TYK2: variants seen among roughly 807,000 people sequenced by gnomAD.
TYK2 encodes the protein non-receptor tyrosine-protein kinase TYK2.
In TYK2, 65 loss-of-function variants were observed where a neutral mutation model predicts 130.9. The observed-to-expected ratio is 0.50, with a 90% CI of 0.41 to 0.61. TYK2 has a LOEUF of 0.61. Among genes scored for constraint, TYK2 ranks in the 20% least tolerant of loss-of-function variants. The pLI, the probability that TYK2 is intolerant of heterozygous loss-of-function variation, is 0.00. For missense variants in TYK2, 1,378 were observed against 1,610.7 expected, an observed-to-expected ratio of 0.86 and a Z score of 2.47; for synonymous variants, 647 against 658.9, an observed-to-expected ratio of 0.98 and a Z score of 0.28.
Position 10,352,463 on chromosome 19 carries a change from G to A in TYK2, c.3289C>T (p.His1097Tyr), listed in dbSNP as rs754738606. The A allele has an allele frequency of 1.2e-5, 20 of 1,610,782 alleles. No individual in the cohort carries two copies. Among genetic ancestry groups the A allele is most frequent in the Non-Finnish European group, 1.7e-5 (20 of 1,178,452 alleles). Reference protein sequence around the residue: ...FGVTLYELLTHCDSSQSPPTK... With the variant: ...FGVTLYELLTYCDSSQSPPTK... ...GGGGGGCTCTGGCTGGAGTCACAGT[G>A]CGTCAGCAGCTCATACAGGGTCACC... The change falls in exon 23 of 25, where the codon CAC becomes TAC. Residue 1097 changes from histidine to tyrosine, a missense_variant. Physicochemically the swap from His to Tyr is moderately conservative, Grantham distance 83. Transcript: ENST00000525621.
intron 24 of TYK2, 27 bp from the exon 25 acceptor site, chr19:10,350,995 G>A: frequency 6.2e-7 from 1 of 1,614,142 alleles, no homozygotes; most frequent in Non-Finnish European, 8.5e-7. Flanking sequence ...GGGCTGGTGG[G>A]GGCTGCCCTC....
At chr19:10,354,435 A>T in intron 19 of TYK2, 77 bp downstream of exon 19, 1 of 1,456,592 alleles carries the variant, frequency 6.9e-7, no homozygotes, top group Non-Finnish European at 9.6e-7. Flanking sequence ...GAATCACCTT[A>T]GGTAGGAATT....
chr19:10,350,845 T>C lies in TYK2; in HGVS notation c.3553A>G (p.Ser1185Gly). 6.2e-7 allele frequency: 1 copy of C among 1,613,616 alleles called. No individual in the cohort carries two copies. Among genetic ancestry groups the C allele is most frequent in the Non-Finnish European group, 8.5e-7 (1 of 1,180,032 alleles). ...GCTGCCATTGTGCCTCAGCACACGC[T>C]GAACACTGAAGGGGCCTGGCCTTGG... is the stretch of plus-strand genomic sequence containing the variant. Reference protein sequence around the residue: ...KYQGQAPSVFSVC With the variant: ...KYQGQAPSVFGVC The change falls in exon 25 of 25, where the codon AGC becomes GGC. Residue 1185 changes from serine to glycine, a missense_variant. Transcript: ENST00000525621.
Position 10,365,521 on chromosome 19 carries a change from T to G in TYK2, c.1007A>C (p.Glu336Ala). The G allele has an allele frequency of 6.2e-7, 1 of 1,613,900 alleles. No homozygotes were observed. The highest frequency in any genetic ancestry group is 1.1e-5 in the South Asian group (1 of 91,034). ...WWPVEEEVNK[E>A]EGSSGSSGRN... ...CGGAAGGGGCGCCTTGCTCACCTCC[T>G]CCTTGTTCACCTCCTCCTCTACTGG... Residue 336 changes from glutamate to alanine, a missense_variant, in exon 7 of 25, where the codon GAG becomes GCG. Glu to Ala is a moderately radical substitution (Grantham distance 107, BLOSUM62 -1). Transcript: ENST00000525621.
chr19:10,365,702 G>A lies in TYK2; in HGVS notation c.826C>T (p.Pro276Ser), dbSNP rs1414912281. 6.2e-7 allele frequency: 1 copy of A among 1,613,140 alleles called. No individual in the cohort carries two copies. The change falls in exon 7 of 25, where the codon CCC (proline) becomes TCC (serine). Residue 276 changes from proline (P) to serine (S), a missense_variant. Pro to Ser is a moderately conservative substitution (Grantham distance 74, BLOSUM62 -1). Coordinates refer to ENST00000525621, the MANE Select transcript of TYK2 (RefSeq NM_003331.5). ...LAPRFGTERVPVCHLRLLAQA... is the reference protein window; with the variant it reads ...LAPRFGTERVSVCHLRLLAQA... The stretch of plus-strand genomic sequence containing the variant: ...GCCAGCAGCCTCAGGTGGCACACGG[G>A]CACACGCTCTGTGCCGAAGCGGGGT...
At position 10,361,697 on chromosome 19, in the gene TYK2, C is replaced by T; in HGVS notation, c.1959+73G>A. On this transcript the variant is annotated intron_variant, in intron 13 of 24. Coordinates refer to ENST00000525621, the MANE Select transcript of TYK2 (RefSeq NM_003331.5). This position sits in a 1 kb window ranked among gnomAD's most constrained non-coding sequence, Gnocchi z 4.0. Reference sequence around the variant, plus strand: ...TCCCATCCCACCTCCTCCACAGACACACCCCTCCCATCCCACCTCCTCCGG... The same window carrying T: ...TCCCATCCCACCTCCTCCACAGACATACCCCTCCCATCCCACCTCCTCCGG... 1.3e-6 allele frequency: 2 copies of T among 1,579,066 alleles called. No homozygotes were observed. Among genetic ancestry groups the T allele is most frequent in the Non-Finnish European group, 8.6e-7 (1 of 1,158,288 alleles).
At chr19:10,356,304 G>A (rs2041095667) in intron 18 of TYK2, among the ~76,000 whole-genome samples, 1 of 152,140 alleles carries the variant, frequency 6.6e-6, no homozygotes, top group Admixed American at 6.6e-5. Context: ...GCTTGAACCT[G>A]GGAGGTGGAG....
intron 15 of TYK2, among the ~76,000 whole-genome samples, 163 bp from the exon 16 acceptor site, chr19:10,358,301 T>TTTTTG (rs1343222312): frequency 6.8e-6 from 1 of 146,776 alleles, no homozygotes; most frequent in African/African-American, 2.5e-5. Flanking sequence ...CTTGTTTTTT[T>TTTTTG]TTTTTTTTTT....
chr19:10,359,092 C>T (rs1295576443), intron 15 of TYK2, 83 bp downstream of exon 15: 16 of 1,547,268 alleles, frequency 1.0e-5, no homozygotes, highest in Middle Eastern at 4.5e-4. Context: ...GATGGGGTCT[C>T]GCCCTGTTGC....
intron 22 of TYK2, 61 bp downstream of exon 22, chr19:10,352,865 C>T (rs950701432): frequency 6.6e-7 from 1 of 1,523,242 alleles, no homozygotes; most frequent in Non-Finnish European, 8.8e-7. Flanking sequence ...CATCCGTCTA[C>T]TCCACCCTGC....
chr19:10,372,484 A>ATATAT (rs1390400916), intron 3 of TYK2, among the ~76,000 whole-genome samples: 18 of 37,422 alleles, frequency 4.8e-4, no homozygotes, highest in African/African-American at 1.7e-3. Flanking sequence ...ATATATATAT[A>ATATAT]TTTTTTTTTT....
chr19:10,360,171 G>A (rs1264835438), intron 14 of TYK2, among the ~76,000 whole-genome samples: 1 of 151,676 alleles, frequency 6.6e-6, no homozygotes, highest in African/African-American at 2.4e-5. Context: ...GACACAGTGA[G>A]ACTCCGTCTC....
chr19:10,359,933 G>A (rs1159475633), intron 14 of TYK2, among the ~76,000 whole-genome samples: 1 of 151,772 alleles, frequency 6.6e-6, no homozygotes, highest in Non-Finnish European at 1.5e-5. Context: ...GCAGAAGAAT[G>A]GTGGGAGACG....
At chr19:10,358,579 G>A (rs1390457341) in intron 15 of TYK2, among the ~76,000 whole-genome samples, 2 of 151,862 alleles carry the variant, frequency 1.3e-5, no homozygotes, top group African/African-American at 2.4e-5. Flanking sequence ...TCAACTTCCT[G>A]AGTACCTCGG....
intron 3 of TYK2, 114 bp downstream of exon 3, chr19:10,378,100 G>A: frequency 1.9e-6 from 2 of 1,048,088 alleles, no homozygotes; most frequent in Non-Finnish European, 2.8e-6. Context: ...ATGGATGGAT[G>A]AGTGGGTGGA....
At chr19:10,378,532 G>T in intron 2 of TYK2, 106 bp from the exon 3 acceptor site, 1 of 896,386 alleles carries the variant, frequency 1.1e-6, no homozygotes, top group Non-Finnish European at 1.7e-6. Context: ...AAGATTCTGG[G>T]CTCCCATCTT....
intron 3 of TYK2, among the ~76,000 whole-genome samples, chr19:10,373,469 C>T (rs12720231): frequency 0.098 from 14,832 of 151,942 alleles, 897 homozygotes; most frequent in African/African-American, 0.16. Context: ...TCCCAAGTAG[C>T]TGGGATGTGC....
Position 10,353,406 on chromosome 19 carries a change from C to T in TYK2, c.3027+122G>A. ...AACAGTTCGGAGGTCAGTGCAAGGA[C>T]AAGACAGCCTGGGCAAACGAGCAGG... On this transcript the variant is annotated intron_variant, in intron 21 of 24. Transcript: ENST00000525621. The surrounding 1 kb of genome is among the most constrained non-coding windows in gnomAD (Gnocchi z 6.9). 1 of 732,130 alleles carries T rather than the reference C, an allele frequency of 1.4e-6. No homozygotes were observed. The allele number at this position is 732,130 out of a possible 1,614,324, so 45.4% of individuals were successfully genotyped here.
At position 10,353,177 on chromosome 19, in the gene TYK2, A is replaced by G; in HGVS notation, c.3028-79T>C. On this transcript the variant is annotated intron_variant, in intron 21 of 24. Transcript: ENST00000525621. This position sits in a 1 kb window ranked among gnomAD's most constrained non-coding sequence, Gnocchi z 6.9. ...CGGCGGCAGGACCTGAGCAGCCAGG[A>G]GGGCTGGGGGACAGTCAGGTCAGGC... The G allele has an allele frequency of 7.7e-7, 1 of 1,291,828 alleles. No individual in the cohort carries two copies. Among genetic ancestry groups the G allele is most frequent in the Non-Finnish European group, 1.0e-6 (1 of 979,434 alleles). The allele number at this position is 1,291,828 out of a possible 1,614,324, so 80.0% of individuals were successfully genotyped here.
Sources: gnomAD v4.1 joint callset for allele counts (sites outside exome capture counted in the v4.1 genomes callset) on GRCh38, gnomAD v4.1.1 for gene constraint, Gnocchi (gnomAD v3.1) non-coding constraint, MANE v1.5 for transcripts, NCBI Gene and HGNC (gene_info 2026-07-23, HGNC 2026-07-21) for gene names.